Variants in ARHGAP23 observed in about 807,000 individuals in gnomAD.
ARHGAP23 encodes rho GTPase-activating protein 23.
ARHGAP23 carries 34 observed loss-of-function variants against 136.3 expected under a neutral mutation model. The ratio of observed to expected loss-of-function variants is 0.25; its 90% CI spans 0.19 to 0.33. The LOEUF is 0.33. ARHGAP23 is among the 10% of genes least tolerant of loss of function. The pLI, the probability that ARHGAP23 is intolerant of heterozygous loss-of-function variation, is 1.00. For synonymous variants in ARHGAP23, 832 were observed against 920.5 expected (o/e 0.90, Z 1.74); for missense variants, 1,808 against 2,139.0 (o/e 0.85, Z 3.05).
chr17:38,473,680 G>A (rs1402416689), intron 11 of ARHGAP23, among the ~76,000 whole-genome samples: 1 of 151,910 alleles, frequency 6.6e-6, no homozygotes, highest in East Asian at 1.9e-4. Context: ...GCCGGGGTGC[G>A]GGGGCGGGTG....
At chr17:38,507,300 T>TAATAATAATAAC (rs745375857) in intron 23 of ARHGAP23, among the ~76,000 whole-genome samples, 47 of 150,274 alleles carry the variant, frequency 3.1e-4, no homozygotes, top group Admixed American at 4.7e-4. Flanking sequence ...ATAATAATAA[T>TAATAATAATAAC]AATAATGCTC....
chr17:38,453,085 A>T (rs1435885893), intron 1 of ARHGAP23, among the ~76,000 whole-genome samples: 3 of 152,148 alleles, frequency 2.0e-5, no homozygotes, highest in Admixed American at 2.0e-4. Flanking sequence ...GGCATCTGCC[A>T]TGTTGTGGGG....
In ARHGAP23 at chr17:38,510,652, G is replaced by C; in HGVS notation, c.4156G>C (p.Val1386Leu). 1 of 1,374,746 alleles carries C rather than the reference G, an allele frequency of 7.3e-7. No individual in the cohort carries two copies. The highest frequency in any genetic ancestry group is 9.3e-7 in the Non-Finnish European group (1 of 1,072,992). 85.2% of individuals were successfully genotyped at this position (1,374,746 alleles called of 1,614,324 possible). ...CGGCACGGCGGACGACATGCTCGCC[G>C]TGCGCCTGCGGCGGCCGCTGTCGCC... ...LRGTADDMLA[V>L]RLRRPLSPET... The change falls in exon 24 of 24, where the codon GTG becomes CTG. Residue 1386 changes from valine (V) to leucine (L), a missense_variant. Physicochemically the swap from Val to Leu is conservative, Grantham distance 32 (BLOSUM62 1). Coordinates refer to ENST00000622683, the MANE Select transcript of ARHGAP23 (RefSeq NM_001199417.2). This position sits in a 1 kb window ranked among gnomAD's most constrained non-coding sequence, Gnocchi z 4.6.
Position 38,460,915 on chromosome 17 carries a change from A to G in ARHGAP23, c.236A>G (p.Asn79Ser). 1 of 1,536,022 alleles carries G rather than the reference A, an allele frequency of 6.5e-7. No individual in the cohort carries two copies. Among genetic ancestry groups the G allele is most frequent in the East Asian group, 2.4e-5 (1 of 40,904 alleles). The change falls in exon 3 of 24, where the codon AAT becomes AGT. Residue 79 changes from asparagine (N) to serine (S), a missense_variant. Coordinates refer to ENST00000622683, the MANE Select transcript of ARHGAP23 (RefSeq NM_001199417.2). ...AVHCSLKEEENGGRGGGPSPR... is the reference protein window; with the variant it reads ...AVHCSLKEEESGGRGGGPSPR... ...CTCTGTTCCCTGCAGGAGGAAGAGA[A>G]TGGAGGCCGTGGAGGAGGTAAGGGA...
At chr17:38,461,490 T>G (rs372876544) in intron 3 of ARHGAP23, among the ~76,000 whole-genome samples, 19 of 152,346 alleles carry the variant, frequency 1.2e-4, no homozygotes, top group African/African-American at 4.1e-4. Flanking sequence ...GTGCCTTCTC[T>G]GGCAGCCTTC....
At chr17:38,444,603 A>T (rs2038990483) in intron 1 of ARHGAP23, among the ~76,000 whole-genome samples, 1 of 151,964 alleles carries the variant, frequency 6.6e-6, no homozygotes, top group South Asian at 2.1e-4. Context: ...AACGCCAAGG[A>T]CCTGATGCGT....
In ARHGAP23 at chr17:38,473,371, G is replaced by A. The variant is rs111898546; in HGVS notation, c.2118+1365G>A. 1.5e-4 allele frequency among the ~76,000 whole-genome samples: 23 copies of A among 152,238 alleles called. No homozygotes were observed. In the East Asian group the frequency reaches 4.1e-3, roughly 27 times the overall value. On this transcript the variant is annotated intron_variant, in intron 11 of 23. Coordinates refer to ENST00000622683, the MANE Select transcript of ARHGAP23 (RefSeq NM_001199417.2). ...TCCTATCCGGCCACATATCAAGCAC[G>A]TGGCTTTGGGCACCCCACTTACCTT...
rs573210209 is a variant in ARHGAP23 at position 38,423,013 on chromosome 17, A to T, written n.120+3614A>T. Among the ~76,000 whole-genome samples the T allele has an allele frequency of 2.6e-5, 4 of 151,686 alleles. No individual in the cohort carries two copies. The East Asian group carries it at 5.8e-4, about 22-fold the overall frequency. ...GGACAAACCCTGCCTGCCTCCCAAG[A>T]CCCCTTCTTCCTCCCCTAGTCACTG... On this transcript the variant is annotated intron_variant and non_coding_transcript_variant, in intron 1 of 4. Transcript: ENST00000633445.
chr17:38,498,450 A>G lies in ARHGAP23; in HGVS notation c.3355A>G (p.Asn1119Asp). The G allele has an allele frequency of 6.5e-7, 1 of 1,548,784 alleles. No individual in the cohort carries two copies. The highest frequency in any genetic ancestry group is 8.7e-7 in the Non-Finnish European group (1 of 1,146,362). ...VGDKEPQAVP[N>D]IEYLLPNIGR... ...CGACAAGGAGCCTCAGGCAGTGCCC[A>G]ACATTGAGTACCTCCTGCCCAACAT... is the stretch of plus-strand genomic sequence containing the variant. The change falls in exon 22 of 24, where the codon AAC becomes GAC. Residue 1119 changes from asparagine (N) to aspartate (D), a missense_variant. Asn to Asp is a conservative substitution (Grantham distance 23). This residue lies in a region of ARHGAP23 where 104 missense variants were observed against 131.8 expected (regional missense o/e 0.79). Transcript: ENST00000622683.
chr17:38,461,629 C>T (rs2039462811), intron 3 of ARHGAP23, among the ~76,000 whole-genome samples: 1 of 152,194 alleles, frequency 6.6e-6, no homozygotes, highest in Non-Finnish European at 1.5e-5. Context: ...GAGTTAGCAG[C>T]ACTTAGGAGC....
chr17:38,486,033 C>T (rs1258643725), intron 16 of ARHGAP23, 29 bp from the exon 17 acceptor site: 2 of 1,547,002 alleles, frequency 1.3e-6, no homozygotes, highest in Admixed American at 3.9e-5. Flanking sequence ...CTGGGCCTGC[C>T]TGTGCCTGAC....
At chr17:38,444,480 C>A (rs1267123064) in intron 1 of ARHGAP23, among the ~76,000 whole-genome samples, 1 of 152,092 alleles carries the variant, frequency 6.6e-6, no homozygotes, top group Non-Finnish European at 1.5e-5. Flanking sequence ...TTGAGGGCCC[C>A]CACACTGAGC....
Position 38,510,855 on chromosome 17 carries a change from C to G in ARHGAP23, c.4359C>G (p.Thr1453=), listed in dbSNP as rs2040748163. The G allele has an allele frequency of 1.3e-6, 2 of 1,505,390 alleles. No homozygotes were observed. The highest frequency in any genetic ancestry group is 4.2e-5 in the Admixed American group (2 of 47,066). The allele number at this position is 1,505,390 out of a possible 1,614,324, so 93.3% of individuals were successfully genotyped here. A position where few individuals can be genotyped will look rare whatever the true frequency, so the allele number is the denominator to read the frequency against. ...CCGGACTCAGCAGCCTGGAGTCCAC[C>G]AAGGCGCGGGCCCCGTCGTCCGCTG... ...KDSGLSSLES[T]KARAPSSAAS... The change falls in exon 24 of 24, where the codon ACC becomes ACG. Residue 1453 remains threonine, a synonymous_variant. Transcript: ENST00000622683. The surrounding 1 kb of genome is among the most constrained non-coding windows in gnomAD (Gnocchi z 4.6).
chr17:38,427,254 C>A (rs939207745), upstream of ARHGAP23, among the ~76,000 whole-genome samples: 1 of 152,172 alleles, frequency 6.6e-6, no homozygotes, highest in African/African-American at 2.4e-5. Flanking sequence ...CACTTGAGGT[C>A]AGGAGTTTGA....
chr17:38,505,315 T>C (rs1418944916), intron 23 of ARHGAP23, among the ~76,000 whole-genome samples: 3 of 151,870 alleles, frequency 2.0e-5, no homozygotes, highest in Non-Finnish European at 4.4e-5. Flanking sequence ...ACTCTCCTTA[T>C]CATCTTAATT....
At chr17:38,496,813 C>A (rs563829082) in intron 20 of ARHGAP23, among the ~76,000 whole-genome samples, 1 of 152,200 alleles carries the variant, frequency 6.6e-6, no homozygotes, top group Admixed American at 6.5e-5. Flanking sequence ...ATTATCCAGG[C>A]GTGATGGCGT....
chr17:38,487,157 C>G (rs1214578491), intron 17 of ARHGAP23, among the ~76,000 whole-genome samples: 1 of 152,252 alleles, frequency 6.6e-6, no homozygotes, highest in East Asian at 1.9e-4. Context: ...GGCTCCAGCA[C>G]ACCGCTGGTT....
chr17:38,445,398 A>G (rs1339885737), intron 1 of ARHGAP23, among the ~76,000 whole-genome samples: 2 of 151,122 alleles, frequency 1.3e-5, no homozygotes, highest in South Asian at 2.1e-4. Context: ...AATCGCTTGA[A>G]CCGGGGAGGC....
At chr17:38,460,450 T>C (rs1180116576) in intron 2 of ARHGAP23, among the ~76,000 whole-genome samples, 1 of 152,164 alleles carries the variant, frequency 6.6e-6, no homozygotes, top group African/African-American at 2.4e-5. Context: ...TTGTCCACAG[T>C]GCCTTCTACC....
Sources: allele counts gnomAD v4.1 joint callset (sites outside exome capture counted in the v4.1 genomes callset), GRCh38; gene constraint gnomAD v4.1.1; regional missense constraint gnomAD v4.1.1; non-coding constraint Gnocchi (gnomAD v3.1); transcripts MANE v1.5; gene names NCBI Gene and HGNC (gene_info 2026-07-23, HGNC 2026-07-21).